NAALADL2: variants seen among roughly 807,000 people sequenced by gnomAD.
NAALADL2 encodes the protein N-acetylated alpha-linked acidic dipeptidase like 2.
A neutral mutation model predicts 87.2 loss-of-function variants in NAALADL2; 76 were observed. That is an observed-to-expected ratio of 0.87 (90% CI 0.72 to 1.05). The LOEUF (loss-of-function observed/expected upper bound fraction) is 1.05. NAALADL2 is among the 50% of genes least tolerant of loss of function. The probability of loss-of-function intolerance (pLI) is 0.00; values close to 1 mark genes in which losing one functional copy is unlikely to be tolerated. For synonymous variants in NAALADL2, 354 were observed against 331.0 expected (o/e 1.07, Z -0.75); for missense variants, 1,089 against 945.8 (o/e 1.15, Z -1.99).
chr3:175,526,894 T>G (rs538671288), intron 9 of NAALADL2, among the ~76,000 whole-genome samples: 6 of 152,196 alleles, frequency 3.9e-5, no homozygotes, highest in Non-Finnish European at 8.8e-5. Flanking sequence ...CCCTCCTGGC[T>G]TTTTTATTAG....
In NAALADL2 at chr3:175,431,344, G is replaced by T. The variant is rs142978640; in HGVS notation, c.1091-15885G>T. Among the ~76,000 whole-genome samples the T allele has an allele frequency of 2.1e-3, 317 of 152,128 alleles. 1 individual carries two copies. The highest frequency in any genetic ancestry group is 7.0e-3 in the African/African-American group (291 of 41,534). ...GCAGGACAATATGCAGTATCAGAAGGAGCAATAGAGATTTTTTGTTTGTTT... is the reference window on the plus strand; with the variant it reads ...GCAGGACAATATGCAGTATCAGAAGTAGCAATAGAGATTTTTTGTTTGTTT... On this transcript the variant is annotated intron_variant, in intron 5 of 13. Coordinates refer to ENST00000454872, the MANE Select transcript of NAALADL2 (RefSeq NM_207015.3).
intron 11 of NAALADL2, among the ~76,000 whole-genome samples, chr3:175,628,141 C>A (rs897429272): frequency 1.3e-5 from 2 of 151,650 alleles, no homozygotes; most frequent in Non-Finnish European, 3.0e-5. Flanking sequence ...TAGTAGAAAT[C>A]CTACATCAAG....
chr3:175,404,890 C>A (rs934060123), intron 5 of NAALADL2, among the ~76,000 whole-genome samples: 2 of 152,166 alleles, frequency 1.3e-5, no homozygotes, highest in African/African-American at 4.8e-5. Flanking sequence ...AGCAATTAAT[C>A]ACTTGCAGTT....
intron 1 of NAALADL2, among the ~76,000 whole-genome samples, chr3:175,011,741 G>T (rs1749853725): frequency 6.6e-6 from 1 of 152,164 alleles, no homozygotes; most frequent in Non-Finnish European, 1.5e-5. Flanking sequence ...GGCGTGCTAT[G>T]TGCCAAGAGA....
chr3:175,410,818 C>T (rs1713371150), intron 5 of NAALADL2, among the ~76,000 whole-genome samples: 1 of 152,038 alleles, frequency 6.6e-6, no homozygotes, highest in Non-Finnish European at 1.5e-5. Flanking sequence ...CAGTGAGCGG[C>T]ATAGGTTACG....
Position 175,759,622 on chromosome 3 carries a change from C to T in NAALADL2, c.2189+4204C>T, listed in dbSNP as rs180758793. On this transcript the variant is annotated intron_variant, in intron 13 of 13. Coordinates refer to ENST00000454872, the MANE Select transcript of NAALADL2 (RefSeq NM_207015.3). ...TTGCCTGCCTCAGCCTCCCAAAGTG[C>T]TGGGATTACAGGCGTGAGCCACCAT... Among the ~76,000 whole-genome samples the T allele has an allele frequency of 3.3e-3, 500 of 152,270 alleles. 2 individuals are homozygous for T. Among genetic ancestry groups the T allele is most frequent in the Non-Finnish European group, 5.1e-3 (347 of 68,016 alleles).
At chr3:175,239,491 A>G (rs889561158) in intron 3 of NAALADL2, among the ~76,000 whole-genome samples, 1 of 152,148 alleles carries the variant, frequency 6.6e-6, no homozygotes, top group African/African-American at 2.4e-5. Flanking sequence ...ACATATTAAT[A>G]TTTGCTATAC....
chr3:174,737,684 C>T (rs1578734929), exon 3 of NAALADL2: 1 of 152,150 alleles, frequency 6.6e-6, no homozygotes, highest in East Asian at 1.9e-4. Flanking sequence ...AGACTGGGTC[C>T]AGATTGTCAG....
In NAALADL2 at chr3:175,566,346, A is replaced by G. The variant is rs1717145333; in HGVS notation, c.1654-9695A>G. Among the ~76,000 whole-genome samples the G allele has an allele frequency of 2.0e-5, 3 of 152,210 alleles. No individual in the cohort carries two copies. In the South Asian group the frequency reaches 6.2e-4, roughly 31 times the overall value. ...ATTCCTCATACCATTGTCTCTCCCC[A>G]GAGGCAAATGGCATTTGAACATATT... On this transcript the variant is annotated intron_variant, in intron 9 of 13. Coordinates refer to ENST00000454872, the MANE Select transcript of NAALADL2 (RefSeq NM_207015.3).
chr3:174,566,988 A>G (rs556158135), intron 2 of NAALADL2, among the ~76,000 whole-genome samples: 34 of 151,710 alleles, frequency 2.2e-4, no homozygotes, highest in Admixed American at 2.2e-3. Context: ...TGTTGTGGCC[A>G]TTTCAATAGT....
At chr3:175,232,007 C>T (rs1581030008) in intron 2 of NAALADL2, among the ~76,000 whole-genome samples, 2 of 151,986 alleles carry the variant, frequency 1.3e-5, no homozygotes, top group Admixed American at 1.3e-4. Flanking sequence ...GCAGAGCCCT[C>T]TTACTGGTAA....
At chr3:175,235,110 A>G (rs187498832) in intron 3 of NAALADL2, 4 of 152,116 alleles carry the variant, frequency 2.6e-5, no homozygotes, top group South Asian at 4.1e-4. Flanking sequence ...TTTAATACCA[A>G]TGAAATAATG....
At chr3:175,538,611 C>G (rs982348713) in intron 9 of NAALADL2, among the ~76,000 whole-genome samples, 2 of 152,092 alleles carry the variant, frequency 1.3e-5, no homozygotes, top group Non-Finnish European at 2.9e-5. Flanking sequence ...ATATAAATGA[C>G]TTTTTCTTTC....
At chr3:174,852,787 G>A (rs1337892487) in intron 3 of NAALADL2, among the ~76,000 whole-genome samples, 8 of 152,048 alleles carry the variant, frequency 5.3e-5, no homozygotes, top group Admixed American at 5.2e-4. Context: ...CAAAGCTGGA[G>A]TCATAACATT....
intron 13 of NAALADL2, among the ~76,000 whole-genome samples, chr3:175,759,460 C>T (rs899398490): frequency 8.6e-5 from 13 of 151,604 alleles, no homozygotes; most frequent in Admixed American, 2.6e-4. Context: ...GGGGTTCAAG[C>T]GATTCTCCTG....
At position 175,484,252 on chromosome 3, in the gene NAALADL2, C is replaced by G. The variant is rs538713231; in HGVS notation, c.1653+12494C>G. ...TATATACATATTTGTTAAAACAGTTCACGGTTTATTTGAGCAGCATTATAA... is the reference window on the plus strand; with the variant it reads ...TATATACATATTTGTTAAAACAGTTGACGGTTTATTTGAGCAGCATTATAA... On this transcript the variant is annotated intron_variant, in intron 9 of 13. Transcript: ENST00000454872. Among the ~76,000 whole-genome samples, 6 of 152,104 alleles carry G rather than the reference C, an allele frequency of 3.9e-5. No homozygotes were observed. In the South Asian group the frequency reaches 1.0e-3, roughly 26 times the overall value.
chr3:175,136,941 C>T (rs576295407), intron 2 of NAALADL2, among the ~76,000 whole-genome samples: 25 of 152,108 alleles, frequency 1.6e-4, no homozygotes, highest in Non-Finnish European at 3.4e-4. Context: ...AAAAGAAGTA[C>T]ATACATCATT....
chr3:174,630,826 G>A (rs76906244), intron 2 of NAALADL2, among the ~76,000 whole-genome samples: 2 of 152,104 alleles, frequency 1.3e-5, no homozygotes, highest in African/African-American at 2.4e-5. Flanking sequence ...GGTGAGATCT[G>A]TCAGCTTGTA....
At chr3:175,212,979 A>T (rs1358863894) in intron 2 of NAALADL2, among the ~76,000 whole-genome samples, 1 of 152,136 alleles carries the variant, frequency 6.6e-6, no homozygotes, top group Non-Finnish European at 1.5e-5. Flanking sequence ...AGCAGTGCAT[A>T]TGGCAGCCTC....
Sources: allele counts gnomAD v4.1 joint callset (sites outside exome capture counted in the v4.1 genomes callset), GRCh38; gene constraint gnomAD v4.1.1; transcripts MANE v1.5; gene names NCBI Gene and HGNC (gene_info 2026-07-23, HGNC 2026-07-21).